Variants in PTPRM observed in about 807,000 individuals in gnomAD.
The protein encoded by PTPRM is receptor-type tyrosine-protein phosphatase mu.
Under a neutral mutation model 186.7 loss-of-function variants are expected in PTPRM, and 47 were observed. That is an observed-to-expected ratio of 0.25 (90% CI 0.20 to 0.32). The LOEUF (loss-of-function observed/expected upper bound fraction) is 0.32. Among genes scored for constraint, PTPRM ranks in the 10% least tolerant of loss-of-function variants. PTPRM has a pLI of 1.00. For synonymous variants in PTPRM, 668 were observed against 674.9 expected (o/e 0.99, Z 0.16); for missense variants, 1,494 against 1,865.0 (o/e 0.80, Z 3.66).
intron 1 of PTPRM, among the ~76,000 whole-genome samples, chr18:7,600,140 GT>G (rs2037363568): frequency 6.6e-6 from 1 of 152,198 alleles, no homozygotes; most frequent in Non-Finnish European, 1.5e-5. Context: ...TGGTCTAGCT[GT>G]TTGCTGAAGG....
chr18:7,902,533 A>C (rs999365218), intron 3 of PTPRM, among the ~76,000 whole-genome samples: 1 of 152,074 alleles, frequency 6.6e-6, no homozygotes, highest in African/African-American at 2.4e-5. Flanking sequence ...TGCGTCAGGA[A>C]AGGATCCCAT....
At chr18:8,374,170 A>T (rs1019455628) in intron 24 of PTPRM, among the ~76,000 whole-genome samples, 1 of 152,182 alleles carries the variant, frequency 6.6e-6, no homozygotes, top group Non-Finnish European at 1.5e-5. Context: ...ATTTTGAGAA[A>T]TGTTTTCTAC....
chr18:7,661,040 A>G (rs2038968165), intron 1 of PTPRM, among the ~76,000 whole-genome samples: 1 of 152,232 alleles, frequency 6.6e-6, no homozygotes, highest in Non-Finnish European at 1.5e-5. Context: ...ATGTCAGCTT[A>G]GTGACAGGAT....
intron 24 of PTPRM, 96 bp from the exon 25 acceptor site, chr18:8,375,950 A>G: frequency 1.5e-6 from 2 of 1,336,764 alleles, no homozygotes; most frequent in Non-Finnish European, 2.1e-6. Context: ...TAGACTTGCT[A>G]CCTGGGGACT....
intron 14 of PTPRM, among the ~76,000 whole-genome samples, chr18:8,145,946 C>T (rs2092874118): frequency 1.3e-5 from 2 of 152,134 alleles, no homozygotes; most frequent in Admixed American, 1.3e-4. Context: ...TACAGTTCCA[C>T]CAACAGTGTA....
chr18:7,844,265 A>G (rs2046484751), intron 2 of PTPRM, among the ~76,000 whole-genome samples: 1 of 152,202 alleles, frequency 6.6e-6, no homozygotes, highest in Non-Finnish European at 1.5e-5. Context: ...TTCACATCAT[A>G]TGCTTCCTAC....
intron 7 of PTPRM, among the ~76,000 whole-genome samples, chr18:8,020,623 A>T (rs2085154912): frequency 6.6e-6 from 1 of 152,186 alleles, no homozygotes; most frequent in Admixed American, 6.5e-5. Flanking sequence ...CTGCTTAATC[A>T]GCTGCCTCAC....
chr18:7,956,856 A>G (rs73381869), intron 7 of PTPRM, among the ~76,000 whole-genome samples: 3,214 of 152,370 alleles, frequency 0.021, 126 homozygotes, highest in African/African-American at 0.074. Context: ...TTGACAAGAT[A>G]GGCATTGCTT....
At chr18:7,727,525 T>TA (rs1238171121) in intron 1 of PTPRM, among the ~76,000 whole-genome samples, 1 of 152,206 alleles carries the variant, frequency 6.6e-6, no homozygotes, top group Non-Finnish European at 1.5e-5. Flanking sequence ...CTGTATTTAG[T>TA]AAAATCTTTT....
chr18:8,404,329 T>C (rs1258134229), intron 32 of PTPRM: 2 of 152,346 alleles, frequency 1.3e-5, no homozygotes, highest in East Asian at 1.9e-4. Context: ...CTCTGGATCA[T>C]GACCTTCCCG....
chr18:7,889,969 C>T (rs1251286184), intron 3 of PTPRM, among the ~76,000 whole-genome samples: 1 of 152,186 alleles, frequency 6.6e-6, no homozygotes, highest in African/African-American at 2.4e-5. Context: ...GAAGTGGTAC[C>T]AAAGCAGTTC....
intron 2 of PTPRM, among the ~76,000 whole-genome samples, chr18:7,811,453 G>A (rs571036155): frequency 6.6e-6 from 1 of 152,268 alleles, no homozygotes; most frequent in African/African-American, 2.4e-5. Context: ...GATCTCTGGG[G>A]CTCAAGTGGT....
chr18:8,217,890 T>C (rs2094108985), intron 14 of PTPRM, among the ~76,000 whole-genome samples: 1 of 152,224 alleles, frequency 6.6e-6, no homozygotes, highest in Non-Finnish European at 1.5e-5. Flanking sequence ...ACCATTAACA[T>C]GGTATCAGGG....
At chr18:8,243,720 G>GC in intron 14 of PTPRM, among the ~76,000 whole-genome samples, 1 of 152,360 alleles carries the variant, frequency 6.6e-6, no homozygotes, top group East Asian at 1.9e-4. Context: ...CTCTAGGAGT[G>GC]TAACAATTAG....
intron 1 of PTPRM, among the ~76,000 whole-genome samples, chr18:7,579,743 A>G (rs2036794073): frequency 6.6e-6 from 1 of 152,198 alleles, no homozygotes; most frequent in African/African-American, 2.4e-5. Context: ...TCATTCAGGG[A>G]AGATCATGAG....
intron 1 of PTPRM, among the ~76,000 whole-genome samples, chr18:7,593,877 A>C (rs1260951992): frequency 1.3e-5 from 2 of 152,184 alleles, no homozygotes; most frequent in African/African-American, 2.4e-5. Context: ...CACAGTTTAC[A>C]AATGTGGAGA....
chr18:8,240,501 GGAAGGAAGGA>G (rs1464348634), intron 14 of PTPRM, among the ~76,000 whole-genome samples: 8 of 44,802 alleles, frequency 1.8e-4, no homozygotes, highest in African/African-American at 8.0e-4. Flanking sequence ...GAGAGAGAGA[GGAAGGAAGGA>G]AGGAAGGAAG....
chr18:7,656,225 CTT>C lies in PTPRM; in HGVS notation c.73+88336_73+88337del, dbSNP rs200792037. ...GGGATAAACAAAATGAAGTATATTCCTTTGATGTAATATTATTCAGCTTTAAA... is the reference window on the plus strand; with the variant it reads ...GGGATAAACAAAATGAAGTATATTCCTGATGTAATATTATTCAGCTTTAAA... On this transcript the variant is annotated intron_variant, in intron 1 of 32. Transcript: ENST00000580170. Among the ~76,000 whole-genome samples, 153 of 152,304 alleles carry C rather than the reference CTT, an allele frequency of 1.0e-3. No homozygotes were observed. The East Asian group carries it at 0.026, about 26-fold the overall frequency.
chr18:7,829,405 G>T (rs531347515), intron 2 of PTPRM, among the ~76,000 whole-genome samples: 4 of 152,106 alleles, frequency 2.6e-5, no homozygotes, highest in Non-Finnish European at 5.9e-5. Context: ...GCTAATCAAC[G>T]TATTTGTATT....
Sources: gnomAD v4.1 joint callset for allele counts (sites outside exome capture counted in the v4.1 genomes callset) on GRCh38, gnomAD v4.1.1 for gene constraint, MANE v1.5 for transcripts, NCBI Gene and HGNC (gene_info 2026-07-23, HGNC 2026-07-21) for gene names.